APBA1: variants seen among roughly 807,000 people sequenced by gnomAD.
APBA1 encodes amyloid-beta A4 precursor protein-binding family A member 1.
Under a neutral mutation model 86.6 loss-of-function variants are expected in APBA1, and 55 were observed. That is an observed-to-expected ratio of 0.64 (90% confidence interval 0.51 to 0.80). The LOEUF (loss-of-function observed/expected upper bound fraction) is 0.80, where lower values mean the gene tolerates loss of function less well. Ranked by LOEUF, APBA1 falls within the 30% of genes least tolerant of loss-of-function variation. The pLI is 0.00. For synonymous variants in APBA1, 511 were observed against 493.9 expected, an observed-to-expected ratio of 1.03 and a Z score of -0.46; for missense variants, 1,090 against 1,183.0, an observed-to-expected ratio of 0.92 and a Z score of 1.15.
chr9:69,641,924 C>A (rs1823293411), intron 1 of APBA1, among the ~76,000 whole-genome samples: 1 of 152,184 alleles, frequency 6.6e-6, no homozygotes, highest in Non-Finnish European at 1.5e-5. Flanking sequence ...CGGCTCACTG[C>A]AACTTCCGCC....
chr9:69,476,221 G>A, intron 2 of APBA1, 78 bp from the exon 3 acceptor site: 1 of 1,042,898 alleles, frequency 9.6e-7, no homozygotes, highest in East Asian at 2.4e-5. Flanking sequence ...GGGGCCGGGA[G>A]AGAGAAGCAA....
chr9:69,636,961 A>AAGAC (rs1823189192), intron 1 of APBA1, among the ~76,000 whole-genome samples: 1 of 151,446 alleles, frequency 6.6e-6, no homozygotes, highest in Non-Finnish European at 1.5e-5. Context: ...GAAAGAAAGA[A>AAGAC]AGAAAGAAAG....
chr9:69,567,174 C>T (rs977063139), intron 1 of APBA1, among the ~76,000 whole-genome samples: 4 of 152,006 alleles, frequency 2.6e-5, no homozygotes, highest in African/African-American at 7.2e-5. Context: ...CACAGAGAAG[C>T]GATCAATCAT....
chr9:69,464,099 A>T (rs1835236762), intron 5 of APBA1: 1 of 153,040 alleles, frequency 6.5e-6, no homozygotes, highest in South Asian at 2.1e-4. Flanking sequence ...AGCCCAGCCC[A>T]GCCTGCTCAG....
At chr9:69,432,309 G>A (rs1445156979) in intron 12 of APBA1, among the ~76,000 whole-genome samples, 1 of 152,244 alleles carries the variant, frequency 6.6e-6, no homozygotes, top group East Asian at 1.9e-4. Flanking sequence ...TCAGATGAAA[G>A]AGAAGGCTGA....
intron 11 of APBA1, among the ~76,000 whole-genome samples, chr9:69,439,709 T>TTCTTTG (rs1348917068): frequency 2.0e-5 from 3 of 152,310 alleles, no homozygotes; most frequent in Non-Finnish European, 4.4e-5. Flanking sequence ...AGTTTTTCAC[T>TTCTTTG]TCTTTGCCAT....
At position 69,534,368 on chromosome 9, in the gene APBA1, G is replaced by A. The variant is rs115737498; in HGVS notation, c.-69-17089C>T. Among the ~76,000 whole-genome samples, 774 of 152,290 alleles carry A rather than the reference G, an allele frequency of 5.1e-3. 3 individuals are homozygous for A. The highest frequency in any genetic ancestry group is 0.017 in the African/African-American group (693 of 41,558). On this transcript the variant is annotated intron_variant, in intron 1 of 12. Coordinates refer to ENST00000265381, the MANE Select transcript of APBA1 (RefSeq NM_001163.4). ...AGTTCTATTCAAAGACATAAAAGTG[G>A]AAGTGAGGATGTCATTTCTGAGCTG...
intron 1 of APBA1, among the ~76,000 whole-genome samples, chr9:69,541,057 T>G (rs1188575180): frequency 6.6e-6 from 1 of 152,254 alleles, no homozygotes; most frequent in African/African-American, 2.4e-5. Context: ...ATTCCACGCA[T>G]GTATATATCA....
At chr9:69,587,825 G>T (rs185601899) in intron 1 of APBA1, among the ~76,000 whole-genome samples, 177 of 152,138 alleles carry the variant, frequency 1.2e-3, no homozygotes, top group African/African-American at 4.1e-3. Context: ...AGAAGTTTGC[G>T]ACCAGTTTGA....
intron 2 of APBA1, among the ~76,000 whole-genome samples, chr9:69,512,727 C>T (rs1356419122): frequency 3.3e-5 from 5 of 152,028 alleles, no homozygotes; most frequent in African/African-American, 1.2e-4. Flanking sequence ...GCTTACGAAT[C>T]TCAGGGAAAG....
At chr9:69,442,397 T>C (rs1202027122) in intron 10 of APBA1, among the ~76,000 whole-genome samples, 1 of 151,876 alleles carries the variant, frequency 6.6e-6, no homozygotes, top group Non-Finnish European at 1.5e-5. Flanking sequence ...TGGACTCCCA[T>C]CTATAAGGCC....
At chr9:69,646,440 C>T (rs965700716) in intron 1 of APBA1, among the ~76,000 whole-genome samples, 4 of 152,150 alleles carry the variant, frequency 2.6e-5, no homozygotes, top group African/African-American at 9.7e-5. Flanking sequence ...GAGCAACTTC[C>T]TTGCCTTGGT....
intron 1 of APBA1, among the ~76,000 whole-genome samples, chr9:69,587,144 C>T: frequency 6.6e-6 from 1 of 152,220 alleles, no homozygotes; most frequent in South Asian, 2.1e-4. Flanking sequence ...AAAGCTTCAT[C>T]CATTCCCAGT....
intron 1 of APBA1, among the ~76,000 whole-genome samples, chr9:69,618,510 T>C (rs936556681): frequency 2.0e-5 from 3 of 152,222 alleles, no homozygotes; most frequent in Admixed American, 2.0e-4. Context: ...AAGGATATGA[T>C]ACTTTCCATG....
At chr9:69,460,357 T>C (rs1016093565) in intron 5 of APBA1, among the ~76,000 whole-genome samples, 3 of 152,206 alleles carry the variant, frequency 2.0e-5, no homozygotes, top group South Asian at 2.1e-4. Context: ...ATCTGAGAAG[T>C]GACCCTATGC....
chr9:69,529,199 G>A (rs1328693107), intron 1 of APBA1, among the ~76,000 whole-genome samples: 1 of 151,998 alleles, frequency 6.6e-6, no homozygotes, highest in Non-Finnish European at 1.5e-5. Context: ...CATATTTTTG[G>A]TTATGCCTCA....
chr9:69,563,603 G>A (rs575141400), intron 1 of APBA1, among the ~76,000 whole-genome samples: 5 of 152,218 alleles, frequency 3.3e-5, no homozygotes, highest in African/African-American at 1.2e-4. Flanking sequence ...TTGGTAGAGA[G>A]TATATTAGCT....
chr9:69,436,320 T>G (rs1450440477), intron 11 of APBA1, among the ~76,000 whole-genome samples: 1 of 150,862 alleles, frequency 6.6e-6, no homozygotes, highest in Non-Finnish European at 1.5e-5. Flanking sequence ...GTGAAGAAAG[T>G]CATTGGTAGC....
chr9:69,596,719 A>G (rs1406126134), intron 1 of APBA1, among the ~76,000 whole-genome samples: 1 of 152,228 alleles, frequency 6.6e-6, no homozygotes, highest in East Asian at 1.9e-4. Flanking sequence ...GGTGCCACAT[A>G]TCCAACTAAA....
Sources: allele counts gnomAD v4.1 joint callset (sites outside exome capture counted in the v4.1 genomes callset), GRCh38; gene constraint gnomAD v4.1.1; transcripts MANE v1.5; gene names NCBI Gene and HGNC (gene_info 2026-07-23, HGNC 2026-07-21).